The following ROBO2 variants were observed in gnomAD, a reference collection of about 807,000 sequenced individuals.
ROBO2 encodes the protein roundabout homolog 2.
In ROBO2, 53 loss-of-function variants were observed where a neutral mutation model predicts 160.8. The ratio of observed to expected loss-of-function variants is 0.33; its 90% CI spans 0.26 to 0.41. The LOEUF (loss-of-function observed/expected upper bound fraction) is 0.41. ROBO2 is among the 10% of genes least tolerant of loss of function. ROBO2 has a pLI of 1.00. For synonymous variants in ROBO2, 664 were observed against 611.7 expected (o/e 1.09, Z -1.26); for missense variants, 1,577 against 1,722.4 (o/e 0.92, Z 1.49).
At chr3:76,373,745 G>A (rs775039989) in intron 2 of ROBO2, among the ~76,000 whole-genome samples, 1 of 151,934 alleles carries the variant, frequency 6.6e-6, no homozygotes, top group Non-Finnish European at 1.5e-5. Context: ...CACCCACAAA[G>A]TTGGTGCTTA....
intron 2 of ROBO2, among the ~76,000 whole-genome samples, chr3:76,918,128 A>G (rs2076436622): frequency 6.6e-6 from 1 of 152,196 alleles, no homozygotes; most frequent in Admixed American, 6.5e-5. Context: ...AAGATATTTG[A>G]TAGGGCTTGG....
At chr3:76,970,707 T>C (rs1338996290) in intron 2 of ROBO2, among the ~76,000 whole-genome samples, 1 of 152,136 alleles carries the variant, frequency 6.6e-6, no homozygotes, top group African/African-American at 2.4e-5. Context: ...TCAGGTAAAA[T>C]GATAATAAAC....
exon 14 of ROBO2, chr3:77,574,549 G>A: frequency 1.2e-6 from 2 of 1,613,468 alleles, no homozygotes; most frequent in South Asian, 2.2e-5. Flanking sequence ...TGTATCGTCA[G>A]ACTTCAGGTC....
At chr3:76,777,235 A>G (rs1166155342) in intron 2 of ROBO2, among the ~76,000 whole-genome samples, 1 of 151,150 alleles carries the variant, frequency 6.6e-6, no homozygotes, top group Non-Finnish European at 1.5e-5. Context: ...CATACTTAAC[A>G]AAAGACATGG....
At chr3:76,406,967 C>T (rs184162391) in intron 2 of ROBO2, among the ~76,000 whole-genome samples, 1 of 151,176 alleles carries the variant, frequency 6.6e-6, no homozygotes, top group Admixed American at 6.6e-5. Context: ...CTACAAAACC[C>T]CACATAAACT....
At chr3:77,133,504 C>T (rs72891538) in intron 2 of ROBO2, among the ~76,000 whole-genome samples, 7,398 of 152,150 alleles carry the variant, frequency 0.049, 605 homozygotes, top group African/African-American at 0.17. Flanking sequence ...TTGAAATCTA[C>T]GTATAAAACA....
chr3:77,135,418 A>G (rs74876024), intron 2 of ROBO2, among the ~76,000 whole-genome samples: 1 of 151,806 alleles, frequency 6.6e-6, no homozygotes, highest in South Asian at 2.1e-4. Flanking sequence ...ATTTTTTTTT[A>G]GAAACAGGGT....
intron 2 of ROBO2, among the ~76,000 whole-genome samples, chr3:76,397,887 C>G (rs923634970): frequency 1.6e-4 from 24 of 151,762 alleles, no homozygotes; most frequent in African/African-American, 5.6e-4. Context: ...GGACTGTAAA[C>G]TAGTTCAACC....
At chr3:75,918,080 T>A (rs1220516696) in intron 1 of ROBO2, among the ~76,000 whole-genome samples, 1 of 152,234 alleles carries the variant, frequency 6.6e-6, no homozygotes, top group Non-Finnish European at 1.5e-5. Context: ...TCCAGTGCTG[T>A]TGGTGTTTTA....
At chr3:76,677,027 T>C (rs1187688417) in intron 2 of ROBO2, among the ~76,000 whole-genome samples, 1 of 152,224 alleles carries the variant, frequency 6.6e-6, no homozygotes, top group African/African-American at 2.4e-5. Context: ...CATTATAATG[T>C]TGAAAAGAAA....
At chr3:77,171,399 G>A (rs1487026656) in intron 2 of ROBO2, among the ~76,000 whole-genome samples, 1 of 152,186 alleles carries the variant, frequency 6.6e-6, no homozygotes, top group Non-Finnish European at 1.5e-5. Context: ...GGGAAGTTTA[G>A]AGGATAACAA....
chr3:77,105,391 T>G (rs2072655979), intron 2 of ROBO2, among the ~76,000 whole-genome samples: 1 of 152,122 alleles, frequency 6.6e-6, no homozygotes, highest in African/African-American at 2.4e-5. Context: ...TCAGGTGAGA[T>G]TTCATATATT....
intron 2 of ROBO2, among the ~76,000 whole-genome samples, chr3:77,377,478 C>T (rs896606490): frequency 1.3e-5 from 2 of 152,276 alleles, no homozygotes; most frequent in Non-Finnish European, 2.9e-5. Flanking sequence ...TTAATCCATA[C>T]AAGAGAACAT....
chr3:76,235,275 C>A (rs139827502), intron 2 of ROBO2, among the ~76,000 whole-genome samples: 1 of 152,118 alleles, frequency 6.6e-6, no homozygotes, highest in East Asian at 1.9e-4. Flanking sequence ...TCCCCATGAG[C>A]ACCGCCCCAC....
At chr3:77,386,343 C>G (rs923325731) in intron 2 of ROBO2, among the ~76,000 whole-genome samples, 1 of 152,002 alleles carries the variant, frequency 6.6e-6, no homozygotes, top group Admixed American at 6.6e-5. Context: ...ATGTTTAACA[C>G]TTTAAAAAAA....
intron 2 of ROBO2, among the ~76,000 whole-genome samples, chr3:77,000,956 G>A (rs546582307): frequency 4.3e-4 from 65 of 152,190 alleles, no homozygotes; most frequent in Non-Finnish European, 8.5e-4. Context: ...CATGCTATGA[G>A]TCTTAACGCA....
chr3:77,641,716 A>G (rs946707331), intron 24 of ROBO2, among the ~76,000 whole-genome samples: 55 of 152,332 alleles, frequency 3.6e-4, no homozygotes, highest in Admixed American at 1.7e-3. Context: ...ATTGATGTTC[A>G]GAAGATTTCA....
chr3:76,218,492 A>T (rs1024312195), intron 2 of ROBO2, among the ~76,000 whole-genome samples: 1 of 152,180 alleles, frequency 6.6e-6, no homozygotes, highest in Non-Finnish European at 1.5e-5. Flanking sequence ...AGTGTGCAAA[A>T]ATCACAAGCA....
chr3:76,515,400 C>A (rs2081301663), intron 2 of ROBO2, among the ~76,000 whole-genome samples: 1 of 151,668 alleles, frequency 6.6e-6, no homozygotes, highest in Non-Finnish European at 1.5e-5. Context: ...TCCTTTTTTT[C>A]CCCAACTATC....
Sources: allele counts gnomAD v4.1 joint callset (sites outside exome capture counted in the v4.1 genomes callset), GRCh38; gene constraint gnomAD v4.1.1; transcripts MANE v1.5; gene names NCBI Gene and HGNC (gene_info 2026-07-23, HGNC 2026-07-21).